The following KLHL8 variants were observed in gnomAD, a reference collection of about 807,000 sequenced individuals.
KLHL8 encodes kelch like family member 8, also known as kelch-like protein 8.
KLHL8 carries 38 observed loss-of-function variants against 63.5 expected under a neutral mutation model. The ratio of observed to expected loss-of-function variants is 0.60; its 90% confidence interval spans 0.46 to 0.78. The LOEUF (loss-of-function observed/expected upper bound fraction) is 0.78. Ranked by LOEUF, KLHL8 falls within the 30% of genes least tolerant of loss-of-function variation. The probability of loss-of-function intolerance (pLI) is 0.00; values close to 1 mark genes in which losing one functional copy is unlikely to be tolerated. For missense variants in KLHL8, 566 were observed against 752.4 expected (o/e 0.75, Z 2.90); for synonymous variants, 224 against 254.3 (o/e 0.88, Z 1.13).
chr4:87,183,067 A>G, intron 4 of KLHL8, 136 bp downstream of exon 4: 1 of 552,810 alleles, frequency 1.8e-6, no homozygotes, highest in Non-Finnish European at 3.0e-6. Flanking sequence ...TTATAAATAT[A>G]TAAAACCGTA....
chr4:87,239,224 C>T (rs893144568), intron 1 of KLHL8, among the ~76,000 whole-genome samples: 3 of 152,126 alleles, frequency 2.0e-5, no homozygotes, highest in African/African-American at 2.4e-5. Context: ...GACACTCTAG[C>T]GTTTCTTTAA....
chr4:87,222,275 C>T (rs1732889063), upstream of KLHL8, among the ~76,000 whole-genome samples: 1 of 152,144 alleles, frequency 6.6e-6, no homozygotes, highest in South Asian at 2.1e-4. Context: ...TTTTCCCAGG[C>T]CATTGTATGT....
intron 1 of KLHL8, chr4:87,207,025 C>G: frequency 3.0e-6 from 1 of 338,200 alleles, no homozygotes; most frequent in Non-Finnish European, 5.7e-6. Context: ...ACTTGGCTCT[C>G]TGCTCCTCCC....
At chr4:87,230,282 C>G (rs563140905) in intron 1 of KLHL8, among the ~76,000 whole-genome samples, 1 of 152,298 alleles carries the variant, frequency 6.6e-6, no homozygotes, top group South Asian at 2.1e-4. Flanking sequence ...TCCTGCCCTT[C>G]CCTTTGACCT....
At chr4:87,201,297 A>G (rs1381229465) in intron 1 of KLHL8, among the ~76,000 whole-genome samples, 4 of 152,248 alleles carry the variant, frequency 2.6e-5, no homozygotes, top group South Asian at 2.1e-4. Context: ...AAGACACTAC[A>G]TAATGACAAA....
chr4:87,198,012 T>TTA (rs1731765789), intron 1 of KLHL8, among the ~76,000 whole-genome samples: 1 of 136,638 alleles, frequency 7.3e-6, no homozygotes, highest in African/African-American at 2.7e-5. Flanking sequence ...CTTTAATTAT[T>TTA]AAAAAAAAAA....
chr4:87,204,823 G>T (rs1732052636), intron 1 of KLHL8, among the ~76,000 whole-genome samples: 1 of 152,288 alleles, frequency 6.6e-6, no homozygotes, highest in East Asian at 1.9e-4. Context: ...GAAAGAGTAT[G>T]ACTAAAAGGA....
Position 87,185,597 on chromosome 4 carries a change from A to C in KLHL8, c.419T>G (p.Leu140Arg). 6.2e-7 allele frequency: 1 copy of C among 1,614,254 alleles called. No individual in the cohort carries two copies. Residue 140 changes from leucine to arginine, a missense_variant, in exon 3 of 10, where the codon CTC (leucine) becomes CGC (arginine). Leu to Arg is a moderately radical substitution (Grantham distance 102). Coordinates refer to ENST00000273963, the MANE Select transcript of KLHL8 (RefSeq NM_020803.5). Reference protein sequence around the residue: ...LTLTVDNVQPLLYAACILQVE... With the variant: ...LTLTVDNVQPRLYAACILQVE... ...CTGCAGAATACAGGCTGCATATAAG[A>C]GAGGCTGGACATTGTCAACAGTCAA... is the stretch of plus-strand genomic sequence containing the variant.
rs761197431 is a variant in KLHL8, at chr4:87,185,650, T to C, written c.366A>G (p.Val122=). ...DFDGDAIEDL[V]KFVYSSRLTL... ...TGAGCCGTGAAGAATAGACAAACTT[T>C]ACCAAGTCTTCTATTGCATCACCAT... The change falls in exon 3 of 10, where the codon GTA becomes GTG. Residue 122 remains valine, a synonymous_variant. Transcript: ENST00000273963. The C allele has an allele frequency of 9.9e-6, 16 of 1,614,090 alleles. No homozygotes were observed. Among genetic ancestry groups the C allele is most frequent in the Non-Finnish European group, 1.4e-5 (16 of 1,180,044 alleles).
At chr4:87,214,348 AAAT>A (rs1305463382) in intron 1 of KLHL8, among the ~76,000 whole-genome samples, 1 of 143,788 alleles carries the variant, frequency 7.0e-6, no homozygotes, top group Non-Finnish European at 1.5e-5. Context: ...AAAATGAGGA[AAAT>A]AATAGTATCA....
At chr4:87,170,367 G>C (rs751903687) in intron 7 of KLHL8, 80 bp downstream of exon 7, 4 of 1,447,838 alleles carry the variant, frequency 2.8e-6, no homozygotes, top group Non-Finnish European at 2.8e-6. Context: ...TCATACTGGT[G>C]ATGATATATT....
chr4:87,172,207 G>C (rs1457682215), intron 6 of KLHL8, among the ~76,000 whole-genome samples: 2 of 152,132 alleles, frequency 1.3e-5, no homozygotes, highest in African/African-American at 2.4e-5. Context: ...TTTGAAGGTG[G>C]GGGGGAACAT....
intron 2 of KLHL8, among the ~76,000 whole-genome samples, chr4:87,186,034 AT>A (rs1731239777): frequency 6.6e-6 from 1 of 151,776 alleles, no homozygotes; most frequent in Non-Finnish European, 1.5e-5. Context: ...ATACTTTAAA[AT>A]TAAAAAAAAA....
intron 1 of KLHL8, among the ~76,000 whole-genome samples, chr4:87,202,649 G>A (rs1479631839): frequency 6.6e-6 from 1 of 152,086 alleles, no homozygotes; most frequent in Non-Finnish European, 1.5e-5. Flanking sequence ...AAGACAACCT[G>A]AGCATTGCTA....
At chr4:87,205,412 A>AACACAC (rs76100807) in intron 1 of KLHL8, among the ~76,000 whole-genome samples, 4 of 150,984 alleles carry the variant, frequency 2.6e-5, no homozygotes, top group Non-Finnish European at 4.4e-5. Context: ...GACTCAAGAA[A>AACACAC]ACACACACAC....
intron 2 of KLHL8, among the ~76,000 whole-genome samples, chr4:87,187,060 T>C (rs1560701077): frequency 6.6e-6 from 1 of 152,154 alleles, no homozygotes; most frequent in Non-Finnish European, 1.5e-5. Flanking sequence ...AATAGCACAC[T>C]AGTGAACTTC....
intron 1 of KLHL8, among the ~76,000 whole-genome samples, chr4:87,202,528 TA>T (rs35231322): frequency 1.3e-5 from 2 of 152,114 alleles, no homozygotes; most frequent in Non-Finnish European, 2.9e-5. Flanking sequence ...CCACTGGCAT[TA>T]AAAAGGTAAG....
chr4:87,174,198 T>C (rs571730719), intron 6 of KLHL8, among the ~76,000 whole-genome samples: 98 of 152,220 alleles, frequency 6.4e-4, no homozygotes, highest in Non-Finnish European at 1.2e-3. Flanking sequence ...CTGTGGGTGA[T>C]ACATTTATAT....
At chr4:87,226,479 G>A (rs541758691) in intron 1 of KLHL8, among the ~76,000 whole-genome samples, 10 of 148,110 alleles carry the variant, frequency 6.8e-5, no homozygotes, top group Non-Finnish European at 1.0e-4. Flanking sequence ...GAAGAGTTGC[G>A]TGAATCCAGG....
Sources: allele counts gnomAD v4.1 joint callset (sites outside exome capture counted in the v4.1 genomes callset), GRCh38; gene constraint gnomAD v4.1.1; transcripts MANE v1.5; gene names NCBI Gene and HGNC (gene_info 2026-07-23, HGNC 2026-07-21).